The following ESRRG variants were observed in gnomAD, a reference collection of about 807,000 sequenced individuals.
ESRRG encodes the protein estrogen related receptor gamma.
A neutral mutation model predicts 44.0 loss-of-function variants in ESRRG; 13 were observed. The ratio of observed to expected loss-of-function variants is 0.30; its 90% confidence interval spans 0.19 to 0.47. The LOEUF (loss-of-function observed/expected upper bound fraction) is 0.47. ESRRG is among the 20% of genes least tolerant of loss of function. The pLI, the probability that ESRRG is intolerant of heterozygous loss-of-function variation, is 1.00. For missense variants in ESRRG, 395 were observed against 580.6 expected, an observed-to-expected ratio of 0.68 and a Z score of 3.29; for synonymous variants, 215 against 214.6, an observed-to-expected ratio of 1.00 and a Z score of -0.02.
At chr1:217,128,144 G>A (rs1487725650) in intron 1 of ESRRG, among the ~76,000 whole-genome samples, 2 of 152,086 alleles carry the variant, frequency 1.3e-5, no homozygotes, top group Non-Finnish European at 2.9e-5. Flanking sequence ...GGACAAAATC[G>A]GAGGTCTCCA....
intron 3 of ESRRG, among the ~76,000 whole-genome samples, chr1:216,584,942 G>A (rs2063489337): frequency 1.3e-5 from 2 of 152,180 alleles, no homozygotes; most frequent in Admixed American, 6.5e-5. Flanking sequence ...AAACCTTTCA[G>A]ATGCCATAGG....
At chr1:216,516,531 C>T (rs1284637018) in intron 6 of ESRRG, among the ~76,000 whole-genome samples, 7 of 151,682 alleles carry the variant, frequency 4.6e-5, no homozygotes, top group Non-Finnish European at 1.0e-4. Flanking sequence ...TACCTACAGC[C>T]ATGTAGGAAA....
At chr1:216,799,376 A>G (rs753459185) in intron 2 of ESRRG, among the ~76,000 whole-genome samples, 1 of 152,006 alleles carries the variant, frequency 6.6e-6, no homozygotes, top group Non-Finnish European at 1.5e-5. Flanking sequence ...AGCTTTATAC[A>G]TCCCAAGACA....
intron 2 of ESRRG, 27 bp from the exon 3 acceptor site, chr1:216,651,116 G>T: frequency 7.1e-7 from 1 of 1,411,276 alleles, no homozygotes; most frequent in Non-Finnish European, 1.0e-6. Flanking sequence ...AAGAAAAGTT[G>T]TCATATTTAC....
chr1:217,017,300 GA>G (rs1262140666), intron 1 of ESRRG, among the ~76,000 whole-genome samples: 1 of 151,878 alleles, frequency 6.6e-6, no homozygotes, highest in African/African-American at 2.4e-5. Context: ...CACAAATGCA[GA>G]AAACCTAATA....
intron 2 of ESRRG, among the ~76,000 whole-genome samples, chr1:216,835,081 A>G (rs2095542812): frequency 6.6e-6 from 1 of 152,148 alleles, no homozygotes; most frequent in African/African-American, 2.4e-5. Flanking sequence ...GCAGCTGTGG[A>G]GTTTTTTGTT....
chr1:217,114,769 G>A (rs970157801), intron 1 of ESRRG, among the ~76,000 whole-genome samples: 1 of 146,912 alleles, frequency 6.8e-6, no homozygotes, highest in Non-Finnish European at 1.5e-5. Flanking sequence ...CAATTCTCCT[G>A]CCTCAGCCTC....
chr1:216,676,831 C>A (rs2076194506), intron 2 of ESRRG, among the ~76,000 whole-genome samples: 1 of 152,052 alleles, frequency 6.6e-6, no homozygotes, highest in African/African-American at 2.4e-5. Context: ...GTAAACTCTA[C>A]CCAAAGTTTA....
chr1:216,894,261 G>A (rs1331783951), intron 2 of ESRRG, among the ~76,000 whole-genome samples: 12 of 152,172 alleles, frequency 7.9e-5, no homozygotes, highest in African/African-American at 1.9e-4. Flanking sequence ...TCACAGACTC[G>A]GGAGCCAAAA....
intron 3 of ESRRG, among the ~76,000 whole-genome samples, chr1:216,632,048 T>C (rs1406084665): frequency 2.0e-5 from 3 of 152,230 alleles, no homozygotes; most frequent in Non-Finnish European, 4.4e-5. Context: ...ATCTAATGCC[T>C]ACTTTATCTA....
intron 2 of ESRRG, among the ~76,000 whole-genome samples, chr1:216,728,830 T>C (rs1305509302): frequency 6.6e-6 from 1 of 152,072 alleles, no homozygotes; most frequent in African/African-American, 2.4e-5. Flanking sequence ...ACATCTGGTA[T>C]CCATATAAAC....
chr1:217,069,890 C>T (rs995740465), intron 1 of ESRRG, among the ~76,000 whole-genome samples: 1 of 152,196 alleles, frequency 6.6e-6, no homozygotes, highest in Non-Finnish European at 1.5e-5. Flanking sequence ...ACAACCCTCA[C>T]ATCATTCCTT....
chr1:217,045,755 A>G (rs2084764571), intron 1 of ESRRG, among the ~76,000 whole-genome samples: 1 of 151,968 alleles, frequency 6.6e-6, no homozygotes, highest in African/African-American at 2.4e-5. Context: ...CTTCAAAACA[A>G]TTTTCACCCA....
intron 1 of ESRRG, among the ~76,000 whole-genome samples, chr1:217,110,516 G>T (rs762600766): frequency 4.6e-5 from 7 of 152,178 alleles, no homozygotes; most frequent in Non-Finnish European, 1.0e-4. Context: ...AGTTCTGAAA[G>T]CTTTCCTGGA....
At chr1:216,987,385 C>A (rs537496739) in intron 1 of ESRRG, among the ~76,000 whole-genome samples, 1 of 152,322 alleles carries the variant, frequency 6.6e-6, no homozygotes, top group African/African-American at 2.4e-5. Flanking sequence ...GTCATTGCTG[C>A]TGCCTGGTTC....
At chr1:216,553,902 G>GA (rs765618158) in intron 5 of ESRRG, among the ~76,000 whole-genome samples, 1 of 151,888 alleles carries the variant, frequency 6.6e-6, no homozygotes, top group Admixed American at 6.6e-5. Context: ...TTTTCTAAGA[G>GA]AAAAAAAGTT....
intron 2 of ESRRG, among the ~76,000 whole-genome samples, chr1:216,801,822 A>G (rs1253198106): frequency 3.3e-5 from 5 of 152,144 alleles, no homozygotes; most frequent in Non-Finnish European, 7.3e-5. Flanking sequence ...ATGAGTTACC[A>G]ATTCTTGATA....
chr1:216,813,779 T>G (rs1241289824), intron 2 of ESRRG, among the ~76,000 whole-genome samples: 2 of 152,202 alleles, frequency 1.3e-5, no homozygotes, highest in African/African-American at 2.4e-5. Flanking sequence ...CTTCTTTCCC[T>G]AGATTTGTAC....
intron 1 of ESRRG, among the ~76,000 whole-genome samples, chr1:217,011,991 G>C (rs187387673): frequency 6.6e-6 from 1 of 152,238 alleles, no homozygotes; most frequent in Admixed American, 6.5e-5. Flanking sequence ...ATTGCAATGA[G>C]GGACACATTC....
Sources: gnomAD v4.1 joint callset for allele counts (sites outside exome capture counted in the v4.1 genomes callset) on GRCh38, gnomAD v4.1.1 for gene constraint, MANE v1.5 for transcripts, NCBI Gene and HGNC (gene_info 2026-07-23, HGNC 2026-07-21) for gene names.